Variants in ATP2B2 observed in about 807,000 individuals in gnomAD.
ATP2B2 encodes the protein plasma membrane calcium-transporting ATPase 2.
A neutral mutation model predicts 120.0 loss-of-function variants in ATP2B2; 15 were observed. The observed-to-expected ratio is 0.12, with a 90% confidence interval of 0.08 to 0.19. The LOEUF is 0.19. ATP2B2 is among the 10% of genes least tolerant of loss of function. The probability of loss-of-function intolerance (pLI) is 1.00; values close to 1 mark genes in which losing one functional copy is unlikely to be tolerated. For synonymous variants in ATP2B2, 694 were observed against 700.3 expected (o/e 0.99, Z 0.14); for missense variants, 1,045 against 1,719.8 (o/e 0.61, Z 6.94).
At chr3:10,481,672 GC>G (rs747652011) in intron 1 of ATP2B2, among the ~76,000 whole-genome samples, 41 of 152,122 alleles carry the variant, frequency 2.7e-4, no homozygotes, top group Admixed American at 5.9e-4. Context: ...TCCTGCCTCA[GC>G]CTCCTGAGTA....
chr3:10,607,593 C>T (rs2069121392), intron 2 of ATP2B2, among the ~76,000 whole-genome samples: 1 of 152,218 alleles, frequency 6.6e-6, no homozygotes, highest in Non-Finnish European at 1.5e-5. Flanking sequence ...CACAACCAAC[C>T]TGCTCAGTGG....
chr3:10,558,834 G>A (rs1367255036), intron 2 of ATP2B2, among the ~76,000 whole-genome samples: 3 of 152,164 alleles, frequency 2.0e-5, no homozygotes. Context: ...GCAGGAGAAG[G>A]AAAGGAAGAC....
chr3:10,398,397 G>A lies in ATP2B2; in HGVS notation c.781+2556C>T, dbSNP rs532814994. On this transcript the variant is annotated intron_variant, in intron 5 of 22. Coordinates refer to ENST00000360273, the MANE Select transcript of ATP2B2 (RefSeq NM_001001331.4). ...CAGCCAGATGGAGACCAAGGCCGCT[G>A]GTTCAGCTTGGGCTCAGAGGGCCTG... Among the ~76,000 whole-genome samples the A allele has an allele frequency of 1.1e-4, 16 of 152,330 alleles. No individual in the cohort carries two copies. In the South Asian group the frequency reaches 3.3e-3, roughly 32 times the overall value.
At chr3:10,394,176 G>T (rs113867316) in intron 5 of ATP2B2, among the ~76,000 whole-genome samples, 7 of 152,210 alleles carry the variant, frequency 4.6e-5, no homozygotes, top group African/African-American at 1.7e-4. Context: ...CCTTCAGTGG[G>T]GAGAGGCTGT....
chr3:10,418,664 G>T (rs904499553), intron 2 of ATP2B2, among the ~76,000 whole-genome samples: 1 of 152,198 alleles, frequency 6.6e-6, no homozygotes, highest in Non-Finnish European at 1.5e-5. Context: ...GTGAGAGCAG[G>T]AATACACTAA....
At chr3:10,470,709 G>A (rs2064948971) in intron 1 of ATP2B2, among the ~76,000 whole-genome samples, 1 of 152,140 alleles carries the variant, frequency 6.6e-6, no homozygotes, top group East Asian at 1.9e-4. Context: ...CCAGGCCTCG[G>A]GGCATCTCTG....
At chr3:10,557,906 G>A (rs1040040677) in intron 2 of ATP2B2, among the ~76,000 whole-genome samples, 13 of 152,140 alleles carry the variant, frequency 8.5e-5, no homozygotes, top group Admixed American at 1.3e-4. Context: ...AAGATCAAGT[G>A]GTGTGGCCAG....
rs780877239 is a variant in ATP2B2 at position 10,347,971 on chromosome 3, G to A, written c.2405-1834C>T. On this transcript the variant is annotated intron_variant, in intron 16 of 22. Transcript: ENST00000360273. This position sits in a 1 kb window ranked among gnomAD's most constrained non-coding sequence, Gnocchi z 5.2. The stretch of plus-strand genomic sequence containing the variant: ...ACAGGCCTCCTTCCTTGTCTTCCCG[G>A]CACCACTCCCCACTGACCATCCTCC... Among the ~76,000 whole-genome samples the A allele has an allele frequency of 6.6e-6, 1 of 151,838 alleles. No individual in the cohort carries two copies. Among genetic ancestry groups the A allele is most frequent in the Non-Finnish European group, 1.5e-5 (1 of 67,916 alleles).
At position 10,340,894 on chromosome 3, in the gene ATP2B2, A is replaced by C. The variant is rs1324144320; in HGVS notation, c.2918-190T>G. 2.6e-5 allele frequency among the ~76,000 whole-genome samples: 4 copies of C among 152,138 alleles called. No individual in the cohort carries two copies. The highest frequency in any genetic ancestry group is 4.4e-5 in the Non-Finnish European group (3 of 68,022). ...GAGACTAGGACTGAAGGGTCAGCAA[A>C]GCCCTTTCTCCTCTGGGGAAGAAAG... is the stretch of plus-strand genomic sequence containing the variant. On this transcript the variant is annotated intron_variant, in intron 19 of 22. Coordinates refer to ENST00000360273, the MANE Select transcript of ATP2B2 (RefSeq NM_001001331.4). This position sits in a 1 kb window ranked among gnomAD's most constrained non-coding sequence, Gnocchi z 5.0.
Position 10,326,999 on chromosome 3 carries a change from C to T in ATP2B2, c.*1815G>A, listed in dbSNP as rs956655257. ...GAGGCGGAAAGTGTTTGGTTTTCCT[C>T]GAAGCATGGGACATCATCGATCATG... is the stretch of plus-strand genomic sequence containing the variant. On this transcript the variant is annotated 3_prime_UTR_variant, in exon 23 of 23. Transcript: ENST00000360273. 1 of 397,844 alleles carries T rather than the reference C, an allele frequency of 2.5e-6. No individual in the cohort carries two copies. Among genetic ancestry groups the T allele is most frequent in the Admixed American group, 4.4e-5 (1 of 22,718 alleles). The allele number at this position is 397,844 out of a possible 1,614,324, so 24.6% of individuals were successfully genotyped here.
intron 1 of ATP2B2, among the ~76,000 whole-genome samples, chr3:10,628,022 G>A (rs1368250949): frequency 6.6e-6 from 1 of 152,168 alleles, no homozygotes; most frequent in African/African-American, 2.4e-5. Flanking sequence ...TTGGGGGCAA[G>A]GGAGAGGCTG....
At chr3:10,678,790 C>A (rs1451290061) in intron 1 of ATP2B2, among the ~76,000 whole-genome samples, 1 of 152,200 alleles carries the variant, frequency 6.6e-6, no homozygotes, top group Admixed American at 6.5e-5. Flanking sequence ...AATCATCCCC[C>A]AGATTCCCAG....
chr3:10,361,061 G>A (rs1559559098), intron 12 of ATP2B2, among the ~76,000 whole-genome samples: 1 of 152,168 alleles, frequency 6.6e-6, no homozygotes, highest in African/African-American at 2.4e-5. Flanking sequence ...ATCCCCCTGA[G>A]ATCCAAGCAA....
chr3:10,404,840 G>A (rs2062356400), intron 3 of ATP2B2, among the ~76,000 whole-genome samples: 1 of 152,224 alleles, frequency 6.6e-6, no homozygotes, highest in East Asian at 1.9e-4. Context: ...TAGAGGCATG[G>A]AGGGGGAAGG....
At chr3:10,367,366 T>A (rs1438707915) in intron 12 of ATP2B2, among the ~76,000 whole-genome samples, 1 of 151,944 alleles carries the variant, frequency 6.6e-6, no homozygotes, top group African/African-American at 2.4e-5. Flanking sequence ...TCCCTTCTGT[T>A]TCTGCAGCGC....
At chr3:10,349,717 C>G (rs1015995809) in intron 16 of ATP2B2, among the ~76,000 whole-genome samples, 1 of 152,014 alleles carries the variant, frequency 6.6e-6, no homozygotes, top group South Asian at 2.1e-4. Context: ...TATCAGACAA[C>G]AAGCAGCAGT....
intron 2 of ATP2B2, among the ~76,000 whole-genome samples, chr3:10,568,051 C>T (rs183355876): frequency 1.3e-5 from 2 of 152,226 alleles, no homozygotes; most frequent in Admixed American, 1.3e-4. Flanking sequence ...GTGAAGAGGC[C>T]CTTTGTGGCT....
rs144493317 is a variant in ATP2B2, at chr3:10,395,387, C to T, written c.781+5566G>A. ...TGGATGGCACAGCAGGTAACAGTACCGAATCAATGTCAAGTTTCCTGAATT... is the reference window on the plus strand; with the variant it reads ...TGGATGGCACAGCAGGTAACAGTACTGAATCAATGTCAAGTTTCCTGAATT... On this transcript the variant is annotated intron_variant, in intron 5 of 22. Coordinates refer to ENST00000360273, the MANE Select transcript of ATP2B2 (RefSeq NM_001001331.4). 2.5e-3 allele frequency among the ~76,000 whole-genome samples: 383 copies of T among 152,294 alleles called. 3 individuals are homozygous for T. The highest frequency in any genetic ancestry group is 8.9e-3 in the African/African-American group (369 of 41,564).
intron 2 of ATP2B2, among the ~76,000 whole-genome samples, chr3:10,446,250 T>TC (rs2063833421): frequency 6.6e-6 from 1 of 152,206 alleles, no homozygotes; most frequent in Non-Finnish European, 1.5e-5. Flanking sequence ...GCCCACTTTT[T>TC]CCCGAGTGAT....
Sources: allele counts gnomAD v4.1 joint callset (sites outside exome capture counted in the v4.1 genomes callset), GRCh38; gene constraint gnomAD v4.1.1; non-coding constraint Gnocchi (gnomAD v3.1); transcripts MANE v1.5; gene names NCBI Gene and HGNC (gene_info 2026-07-23, HGNC 2026-07-21).